Variants in CACNB4 observed in about 807,000 individuals in gnomAD.
CACNB4 encodes the protein voltage-dependent L-type calcium channel subunit beta-4.
CACNB4 carries 32 observed loss-of-function variants against 71.2 expected under a neutral mutation model. That is an observed-to-expected ratio of 0.45 (90% CI 0.34 to 0.60). The LOEUF (loss-of-function observed/expected upper bound fraction) is 0.60, where lower values mean the gene tolerates loss of function less well. CACNB4 is among the 20% of genes least tolerant of loss of function. The pLI, the probability that CACNB4 is intolerant of heterozygous loss-of-function variation, is 0.01. For missense variants in CACNB4, 464 were observed against 647.9 expected (o/e 0.72, Z 3.08); for synonymous variants, 231 against 236.9 (o/e 0.97, Z 0.23).
At chr2:151,847,976 C>T (rs1022118599) in intron 12 of CACNB4, among the ~76,000 whole-genome samples, 2 of 152,018 alleles carry the variant, frequency 1.3e-5, no homozygotes, top group Admixed American at 1.3e-4. Flanking sequence ...AAAATGAGGG[C>T]AAAAAATATA....
At chr2:152,038,199 T>C (rs1356935666) in intron 2 of CACNB4, among the ~76,000 whole-genome samples, 1 of 152,186 alleles carries the variant, frequency 6.6e-6, no homozygotes, top group Non-Finnish European at 1.5e-5. Flanking sequence ...TGGCCTGCAA[T>C]GGGAATGCAG....
intron 2 of CACNB4, among the ~76,000 whole-genome samples, chr2:152,035,588 CCTCT>C (rs1407957245): frequency 0.014 from 1,757 of 123,588 alleles, 47 homozygotes; most frequent in African/African-American, 0.048. Flanking sequence ...TCTCTCTCTC[CCTCT>C]CTCTCTCTCT....
chr2:151,852,239 A>G (rs955951080), intron 12 of CACNB4: 2 of 152,226 alleles, frequency 1.3e-5, no homozygotes, highest in African/African-American at 4.8e-5. Context: ...AACTGTGAAG[A>G]TTAGAGATAA....
At chr2:151,958,522 A>G (rs1247408947) in intron 2 of CACNB4, among the ~76,000 whole-genome samples, 2 of 152,214 alleles carry the variant, frequency 1.3e-5, no homozygotes, top group African/African-American at 2.4e-5. Context: ...GAAATGGCCT[A>G]GTTTTCCAAT....
At chr2:152,066,625 C>T (rs1029926934) in intron 2 of CACNB4, among the ~76,000 whole-genome samples, 1 of 149,940 alleles carries the variant, frequency 6.7e-6, no homozygotes, top group African/African-American at 2.4e-5. Context: ...ACCATTTGAC[C>T]TAGCCATCCC....
Position 151,834,321 on chromosome 2 carries a change from A to G in CACNB4, c.*4798T>C, listed in dbSNP as rs545200559. On this transcript the variant is annotated 3_prime_UTR_variant, in exon 14 of 14. Coordinates refer to ENST00000539935, the MANE Select transcript of CACNB4 (RefSeq NM_000726.5). ...CAAACATTTTACATACATCATGAGAAACAAAAGAAAGTTTCATATATAACT... is the reference window on the plus strand; with the variant it reads ...CAAACATTTTACATACATCATGAGAGACAAAAGAAAGTTTCATATATAACT... 1 of 152,130 alleles carries G rather than the reference A, an allele frequency of 6.6e-6. No homozygotes were observed. Among genetic ancestry groups the G allele is most frequent in the Non-Finnish European group, 1.5e-5 (1 of 67,854 alleles). The allele number at this position is 152,130 out of a possible 1,614,324, so 9.4% of individuals were successfully genotyped here. A position where few individuals can be genotyped will look rare whatever the true frequency, so the allele number is the denominator to read the frequency against.
chr2:152,031,553 C>T (rs961265699), intron 2 of CACNB4, among the ~76,000 whole-genome samples: 1 of 152,174 alleles, frequency 6.6e-6, no homozygotes, highest in Non-Finnish European at 1.5e-5. Flanking sequence ...GAAGGCAGGT[C>T]AGACACAGCC....
intron 2 of CACNB4, among the ~76,000 whole-genome samples, chr2:152,093,678 GA>G (rs1688110563): frequency 6.6e-6 from 1 of 152,118 alleles, no homozygotes; most frequent in African/African-American, 2.4e-5. Context: ...CCCAGGTGGA[GA>G]AAAACTGAGC....
intron 2 of CACNB4, among the ~76,000 whole-genome samples, chr2:152,016,857 T>C (rs1185009407): frequency 1.3e-5 from 2 of 152,232 alleles, no homozygotes; most frequent in African/African-American, 4.8e-5. Context: ...CTTACTGTTT[T>C]AAATTATTTT....
chr2:151,844,002 G>C (rs1030998833), intron 12 of CACNB4, among the ~76,000 whole-genome samples: 7 of 152,166 alleles, frequency 4.6e-5, no homozygotes, highest in African/African-American at 1.7e-4. Context: ...AGTCCAAATG[G>C]ACTCATGTTT....
At chr2:151,893,929 A>G (rs138698996) in intron 2 of CACNB4, among the ~76,000 whole-genome samples, 266 of 152,348 alleles carry the variant, frequency 1.7e-3, no homozygotes, top group African/African-American at 6.2e-3. Flanking sequence ...AAGGAGTAAA[A>G]ATAGAAATAA....
intron 2 of CACNB4, among the ~76,000 whole-genome samples, chr2:152,094,775 T>C (rs1305042631): frequency 6.6e-6 from 1 of 152,198 alleles, no homozygotes; most frequent in Non-Finnish European, 1.5e-5. Flanking sequence ...ACATAGCAAA[T>C]ACTTAAGTGT....
intron 2 of CACNB4, among the ~76,000 whole-genome samples, chr2:152,096,066 T>G (rs1688250894): frequency 1.3e-5 from 2 of 152,250 alleles, no homozygotes; most frequent in Non-Finnish European, 2.9e-5. Flanking sequence ...GTAATCATTT[T>G]CCTTATCTCA....
At chr2:152,074,285 C>A (rs1365163530) in intron 2 of CACNB4, among the ~76,000 whole-genome samples, 2 of 151,748 alleles carry the variant, frequency 1.3e-5, no homozygotes, top group Non-Finnish European at 2.9e-5. Context: ...CCATTACCAA[C>A]ATCACCACCA....
chr2:151,902,739 T>C (rs2099853798), intron 2 of CACNB4, among the ~76,000 whole-genome samples: 2 of 152,094 alleles, frequency 1.3e-5, no homozygotes, highest in African/African-American at 2.4e-5. Flanking sequence ...TTTTGTGGCT[T>C]CATATAGTCT....
At chr2:151,853,361 A>G in intron 12 of CACNB4, 87 bp downstream of exon 12, 1 of 719,580 alleles carries the variant, frequency 1.4e-6, no homozygotes, top group South Asian at 1.8e-5. Flanking sequence ...CCATCATTTT[A>G]GAATGAAAAC....
chr2:152,046,884 A>G (rs1418427858), intron 2 of CACNB4, among the ~76,000 whole-genome samples: 1 of 152,202 alleles, frequency 6.6e-6, no homozygotes, highest in African/African-American at 2.4e-5. Flanking sequence ...AGGGTCTCTG[A>G]CTATCCTGGG....
In CACNB4 at chr2:151,997,036, A is replaced by AGTTAAGT; in HGVS notation, c.147+101293_147+101294insACTTAAC. Among the ~76,000 whole-genome samples, 4 of 152,302 alleles carry AGTTAAGT rather than the reference A, an allele frequency of 2.6e-5. 1 individual carries two copies. Among genetic ancestry groups the AGTTAAGT allele is most frequent in the Admixed American group, 2.6e-4 (4 of 15,294 alleles). On this transcript the variant is annotated intron_variant, in intron 2 of 13. Transcript: ENST00000539935. ...CAAGGGGTTTTTTCATTTCACTATG[A>AGTTAAGT]AAATGTTAAGTAAATAAATACACCC...
intron 2 of CACNB4, among the ~76,000 whole-genome samples, chr2:151,962,534 T>C (rs1018737779): frequency 2.0e-5 from 3 of 152,202 alleles, no homozygotes; most frequent in African/African-American, 7.2e-5. Flanking sequence ...AGATGAATCA[T>C]AAATGAGAAA....
Sources: gnomAD v4.1 joint callset for allele counts (sites outside exome capture counted in the v4.1 genomes callset) on GRCh38, gnomAD v4.1.1 for gene constraint, MANE v1.5 for transcripts, NCBI Gene and HGNC (gene_info 2026-07-23, HGNC 2026-07-21) for gene names.